SS18L1: variants seen among roughly 807,000 people sequenced by gnomAD.
The protein encoded by SS18L1 is calcium-responsive transactivator.
SS18L1 carries 32 observed loss-of-function variants against 70.3 expected under a neutral mutation model. That is an observed-to-expected ratio of 0.46 (90% CI 0.34 to 0.61). SS18L1 has a LOEUF of 0.61. Ranked by LOEUF, SS18L1 falls within the 20% of genes least tolerant of loss-of-function variation. The probability of loss-of-function intolerance (pLI) is 0.01; values close to 1 mark genes in which losing one functional copy is unlikely to be tolerated. For missense variants in SS18L1, 430 were observed against 542.1 expected (o/e 0.79, Z 2.05); for synonymous variants, 237 against 229.7 (o/e 1.03, Z -0.29).
At chr20:62,144,532 C>G (rs1003605197) in intron 1 of SS18L1, among the ~76,000 whole-genome samples, 1 of 152,232 alleles carries the variant, frequency 6.6e-6, no homozygotes, top group African/African-American at 2.4e-5. Flanking sequence ...AGGGAGCGCA[C>G]CGCCCCCTCC....
At chr20:62,172,305 T>C (rs2057545482) in intron 8 of SS18L1, among the ~76,000 whole-genome samples, 1 of 149,712 alleles carries the variant, frequency 6.7e-6, no homozygotes. Context: ...CCAGCCTGGG[T>C]CCCAGAGCGA....
intron 1 of SS18L1, among the ~76,000 whole-genome samples, chr20:62,152,966 G>A (rs1397605461): frequency 6.6e-6 from 1 of 152,190 alleles, no homozygotes; most frequent in Non-Finnish European, 1.5e-5. Flanking sequence ...CCATGGGCGT[G>A]TGTGTTAGTT....
At chr20:62,163,253 G>T (rs2057364364) in intron 5 of SS18L1, among the ~76,000 whole-genome samples, 1 of 152,182 alleles carries the variant, frequency 6.6e-6, no homozygotes, top group Non-Finnish European at 1.5e-5. Context: ...AGGTGGGGTA[G>T]AGTCGGTGCA....
rs1254539240 is a variant in SS18L1 at position 62,143,794 on chromosome 20, C to T, written c.-27C>T. On this transcript the variant is annotated 5_prime_UTR_variant, in exon 1 of 11. Coordinates refer to ENST00000331758, the MANE Select transcript of SS18L1 (RefSeq NM_198935.3). Reference sequence around the variant, plus strand: ...GCAGCCGGAGTATCCACCTCGATGACCACGGGCTGAGCCCCGCGCCGCCAC... The same window carrying T: ...GCAGCCGGAGTATCCACCTCGATGATCACGGGCTGAGCCCCGCGCCGCCAC... The T allele has an allele frequency of 4.5e-6, 6 of 1,342,978 alleles. No homozygotes were observed. In the East Asian group the frequency reaches 1.3e-4, roughly 29 times the overall value. 83.2% of individuals were successfully genotyped at this position (1,342,978 alleles called of 1,614,324 possible).
Position 62,163,308 on chromosome 20 carries a change from G to T in SS18L1, c.557-150G>T. ...CAGGGCGTCAGTGCAGGCCACGTAG[G>T]GGAGGCGTGCCTTGCGGTGGAGGAC... On this transcript the variant is annotated intron_variant, in intron 5 of 10. Coordinates refer to ENST00000331758, the MANE Select transcript of SS18L1 (RefSeq NM_198935.3). The T allele has an allele frequency of 2.5e-6, 3 of 1,188,664 alleles. No homozygotes were observed. In the South Asian group the frequency reaches 4.4e-5, roughly 17 times the overall value. 73.6% of individuals were successfully genotyped at this position (1,188,664 alleles called of 1,614,324 possible). A position where few individuals can be genotyped will look rare whatever the true frequency, so the allele number is the denominator to read the frequency against.
At position 62,172,562 on chromosome 20, in the gene SS18L1, A is replaced by T. The variant is rs201314151; in HGVS notation, c.917-120A>T. 9.0e-6 allele frequency: 13 copies of T among 1,443,320 alleles called. No individual in the cohort carries two copies. In the East Asian group the frequency reaches 3.0e-4, roughly 33 times the overall value. The allele number at this position is 1,443,320 out of a possible 1,614,324, so 89.4% of individuals were successfully genotyped here. The stretch of plus-strand genomic sequence containing the variant: ...TTTGAATGGTTGTGAAAAAATAAAC[A>T]TGCCGAAGCAATGGATTTGGTTTTG... On this transcript the variant is annotated intron_variant, in intron 8 of 10. Transcript: ENST00000331758.
At chr20:62,170,530 G>A (rs1245829721) in intron 8 of SS18L1, among the ~76,000 whole-genome samples, 1 of 152,152 alleles carries the variant, frequency 6.6e-6, no homozygotes, top group African/African-American at 2.4e-5. Flanking sequence ...GAACCCTGGA[G>A]TACTTGCTGG....
intron 8 of SS18L1, among the ~76,000 whole-genome samples, chr20:62,168,136 C>T (rs146197261): frequency 1.1e-3 from 167 of 151,998 alleles, no homozygotes; most frequent in Admixed American, 3.1e-3. Context: ...TAGGTACTTC[C>T]GTAGCTTGTT....
rs551276367 is a variant in SS18L1 at position 62,164,395 on chromosome 20, G to A, written c.823+149G>A. 16 of 841,806 alleles carry A rather than the reference G, an allele frequency of 1.9e-5. No individual in the cohort carries two copies. The South Asian group carries it at 2.1e-4, about 11-fold the overall frequency. 52.1% of individuals were successfully genotyped at this position (841,806 alleles called of 1,614,324 possible). ...TGGGCTACAGGCAGAGTGGCCAGAC[G>A]CCCTGCAGGAGCAAGGTAGGGGATG... On this transcript the variant is annotated intron_variant, in intron 7 of 10. Coordinates refer to ENST00000331758, the MANE Select transcript of SS18L1 (RefSeq NM_198935.3).
chr20:62,178,519 C>T (rs1383068695), intron 10 of SS18L1, among the ~76,000 whole-genome samples: 1 of 152,104 alleles, frequency 6.6e-6, no homozygotes, highest in African/African-American at 2.4e-5. Flanking sequence ...TGGTCTCAAA[C>T]TCCTGGGCTC....
At chr20:62,176,261 T>C (rs1601061434) in intron 10 of SS18L1, among the ~76,000 whole-genome samples, 3 of 152,372 alleles carry the variant, frequency 2.0e-5, no homozygotes, top group Admixed American at 2.0e-4. Flanking sequence ...CCCATGCCTG[T>C]AATCCCAGCA....
At position 62,174,821 on chromosome 20, in the gene SS18L1, G is replaced by A. The variant is rs1470687026; in HGVS notation, c.1164+177G>A. 34 of 1,490,586 alleles carry A rather than the reference G, an allele frequency of 2.3e-5. No homozygotes were observed. Among genetic ancestry groups the A allele is most frequent in the South Asian group, 5.1e-5 (4 of 78,198 alleles). 92.3% of individuals were successfully genotyped at this position (1,490,586 alleles called of 1,614,324 possible). Reference sequence around the variant, plus strand: ...TTTGCAGAATTGCCTCTGTGTATACGCTCACCTCAGTCATCCAGCTGGCTT... The same window carrying A: ...TTTGCAGAATTGCCTCTGTGTATACACTCACCTCAGTCATCCAGCTGGCTT... On this transcript the variant is annotated intron_variant, in intron 10 of 10. Transcript: ENST00000331758. The surrounding 1 kb of genome is among the most constrained non-coding windows in gnomAD (Gnocchi z 4.1).
chr20:62,158,798 T>C lies in SS18L1; in HGVS notation c.146+50T>C, dbSNP rs753964589. 2.5e-6 allele frequency: 4 copies of C among 1,612,548 alleles called. No homozygotes were observed. The highest frequency in any genetic ancestry group is 3.4e-6 in the Non-Finnish European group (4 of 1,179,852). On this transcript the variant is annotated intron_variant, in intron 2 of 10. Transcript: ENST00000331758. The surrounding 1 kb of genome is among the most constrained non-coding windows in gnomAD (Gnocchi z 4.5). Reference sequence around the variant, plus strand: ...CACTTGGAGGGTGTCATGCAGAGTCTAAGCACAGAGGCCAGATACGTCCCA... The same window carrying C: ...CACTTGGAGGGTGTCATGCAGAGTCCAAGCACAGAGGCCAGATACGTCCCA...
intron 8 of SS18L1, among the ~76,000 whole-genome samples, chr20:62,169,705 G>C (rs1480546557): frequency 1.3e-5 from 2 of 152,134 alleles, no homozygotes; most frequent in East Asian, 3.9e-4. Flanking sequence ...CTTGAACCCA[G>C]GAGGCAGAGG....
chr20:62,154,201 A>T, intron 1 of SS18L1: 1 of 452,754 alleles, frequency 2.2e-6, no homozygotes, highest in Non-Finnish European at 3.0e-6. Flanking sequence ...GGACATCATT[A>T]AGGATTACTG....
Position 62,158,570 on chromosome 20 carries a change from A to G in SS18L1, c.70-102A>G. Reference sequence around the variant, plus strand: ...AAATCTGACACGTTTCACGTAAGGGACGCTCAACCTATATGAAAACTAGAT... The same window carrying G: ...AAATCTGACACGTTTCACGTAAGGGGCGCTCAACCTATATGAAAACTAGAT... On this transcript the variant is annotated intron_variant, in intron 1 of 10. Transcript: ENST00000331758. This position sits in a 1 kb window ranked among gnomAD's most constrained non-coding sequence, Gnocchi z 4.5. 6.6e-7 allele frequency: 1 copy of G among 1,504,846 alleles called. No homozygotes were observed. The highest frequency in any genetic ancestry group is 8.9e-7 in the Non-Finnish European group (1 of 1,119,168). 93.2% of individuals were successfully genotyped at this position (1,504,846 alleles called of 1,614,324 possible). A position where few individuals can be genotyped will look rare whatever the true frequency, so the allele number is the denominator to read the frequency against.
chr20:62,167,053 T>G (rs1211146321), intron 8 of SS18L1, among the ~76,000 whole-genome samples: 1 of 135,904 alleles, frequency 7.4e-6, no homozygotes, highest in Non-Finnish European at 1.6e-5. Flanking sequence ...TTTTTTTTTT[T>G]TTTTTTTTTT....
At chr20:62,168,561 C>T (rs1479108377) in intron 8 of SS18L1, among the ~76,000 whole-genome samples, 1 of 152,154 alleles carries the variant, frequency 6.6e-6, no homozygotes, top group African/African-American at 2.4e-5. Flanking sequence ...TGGCTCCCAC[C>T]TGTGATCCCA....
rs1467942516 is a variant in SS18L1 at position 62,163,537 on chromosome 20, G to A, written c.636G>A (p.Ser212=). The A allele has an allele frequency of 2.0e-5, 32 of 1,611,498 alleles. No homozygotes were observed. Among genetic ancestry groups the A allele is most frequent in the Non-Finnish European group, 2.3e-5 (27 of 1,179,782 alleles). The change falls in exon 6 of 11, where the codon TCG becomes TCA. Residue 212 remains serine, a synonymous_variant. Transcript: ENST00000331758. ...QGGSQHYQGQ[S]SIAMMGQGSQ... is the part of the protein sequence containing the mutation. ...GCAGCCAGCACTACCAGGGCCAGTC[G>A]TCCATCGCCATGATGGGGCAGGGCA... is the stretch of plus-strand genomic sequence containing the variant.
Sources: allele counts gnomAD v4.1 joint callset (sites outside exome capture counted in the v4.1 genomes callset), GRCh38; gene constraint gnomAD v4.1.1; non-coding constraint Gnocchi (gnomAD v3.1); transcripts MANE v1.5; gene names NCBI Gene and HGNC (gene_info 2026-07-23, HGNC 2026-07-21).